Variants in BBS9 observed in about 807,000 individuals in gnomAD.
The protein encoded by BBS9 is protein PTHB1.
In BBS9, 89 loss-of-function variants were observed where a neutral mutation model predicts 117.7. The observed-to-expected ratio is 0.76, with a 90% confidence interval of 0.64 to 0.90. The LOEUF is 0.90. Ranked by LOEUF, BBS9 falls within the 40% of genes least tolerant of loss-of-function variation. BBS9 has a pLI of 0.00. For synonymous variants in BBS9, 379 were observed against 370.9 expected (o/e 1.02, Z -0.25); for missense variants, 982 against 1,042.2 (o/e 0.94, Z 0.80).
intron 11 of BBS9, among the ~76,000 whole-genome samples, chr7:33,341,746 A>G (rs1816612389): frequency 6.6e-6 from 1 of 152,124 alleles, no homozygotes; most frequent in Non-Finnish European, 1.5e-5. Flanking sequence ...TGCTCAATAT[A>G]TATTTGCTCT....
chr7:33,441,709 A>T (rs1203696646), intron 19 of BBS9, among the ~76,000 whole-genome samples: 2 of 152,128 alleles, frequency 1.3e-5, no homozygotes, highest in African/African-American at 4.8e-5. Context: ...GTATGCTTTC[A>T]TGACTTTTGT....
chr7:33,449,153 C>T (rs1394382790), intron 19 of BBS9, among the ~76,000 whole-genome samples: 2 of 152,164 alleles, frequency 1.3e-5, no homozygotes, highest in Admixed American at 1.3e-4. Context: ...TGCTGGGCAT[C>T]AATCGTGGTA....
At chr7:33,154,392 A>G (rs58550767) in intron 3 of BBS9, among the ~76,000 whole-genome samples, 15,121 of 152,226 alleles carry the variant, frequency 0.099, 836 homozygotes, top group African/African-American at 0.13. Flanking sequence ...TAGTCCTTGC[A>G]GTTTAGAACA....
At chr7:33,615,977 A>G (rs991369774) in intron 21 of BBS9, among the ~76,000 whole-genome samples, 5 of 152,058 alleles carry the variant, frequency 3.3e-5, no homozygotes, top group Admixed American at 6.6e-5. Context: ...AAAGGGAAAT[A>G]AAGACTTTCT....
At chr7:33,217,708 A>G (rs956570442) in intron 5 of BBS9, among the ~76,000 whole-genome samples, 6 of 152,278 alleles carry the variant, frequency 3.9e-5, no homozygotes, top group Non-Finnish European at 7.3e-5. Flanking sequence ...TAGCCGAAGG[A>G]CATTCCTCTT....
intron 21 of BBS9, among the ~76,000 whole-genome samples, chr7:33,581,474 G>T (rs1859900948): frequency 6.6e-6 from 1 of 151,982 alleles, no homozygotes; most frequent in Non-Finnish European, 1.5e-5. Flanking sequence ...TTGACAAATA[G>T]ACATCAAATA....
chr7:33,457,738 A>G (rs573067915), intron 19 of BBS9, among the ~76,000 whole-genome samples: 1 of 152,316 alleles, frequency 6.6e-6, no homozygotes, highest in East Asian at 1.9e-4. Flanking sequence ...TCTGTAAAAA[A>G]GAAACTTTCA....
At chr7:33,173,935 C>T (rs918949549) in intron 4 of BBS9, among the ~76,000 whole-genome samples, 10 of 152,180 alleles carry the variant, frequency 6.6e-5, no homozygotes, top group African/African-American at 9.6e-5. Flanking sequence ...GTGGGTAGAA[C>T]ACAGAAATTT....
intron 4 of BBS9, among the ~76,000 whole-genome samples, chr7:33,158,432 A>AT (rs1265501077): frequency 1.3e-5 from 2 of 152,210 alleles, no homozygotes; most frequent in Non-Finnish European, 2.9e-5. Context: ...AATAATTTTA[A>AT]TATTATGTCA....
chr7:33,591,373 A>G (rs1039943004), intron 21 of BBS9, among the ~76,000 whole-genome samples: 8 of 152,116 alleles, frequency 5.3e-5, no homozygotes, highest in Admixed American at 2.0e-4. Context: ...ATATTTTACT[A>G]TTTTTTAAAA....
chr7:33,360,894 G>T (rs1820501279), intron 16 of BBS9, among the ~76,000 whole-genome samples: 1 of 152,118 alleles, frequency 6.6e-6, no homozygotes, highest in African/African-American at 2.4e-5. Flanking sequence ...AGTAGTTTAT[G>T]ACTGTTATGA....
chr7:33,156,403 GTGTC>G (rs1794098084), intron 4 of BBS9, among the ~76,000 whole-genome samples: 1 of 152,146 alleles, frequency 6.6e-6, no homozygotes, highest in Non-Finnish European at 1.5e-5. Context: ...AGAAAACTAA[GTGTC>G]TGTGAGGCTG....
chr7:33,588,107 T>C (rs1861251617), intron 21 of BBS9, among the ~76,000 whole-genome samples: 1 of 152,158 alleles, frequency 6.6e-6, no homozygotes. Flanking sequence ...TTAACTTTGA[T>C]TCCTACAGAA....
At chr7:33,364,342 C>G (rs910603056) in intron 16 of BBS9, among the ~76,000 whole-genome samples, 1 of 151,966 alleles carries the variant, frequency 6.6e-6, no homozygotes, top group African/African-American at 2.4e-5. Context: ...TAGTTTTTTT[C>G]TACAGTTATG....
At chr7:33,513,202 A>AT (rs1847228355) in intron 20 of BBS9, among the ~76,000 whole-genome samples, 1 of 152,108 alleles carries the variant, frequency 6.6e-6, no homozygotes, top group Admixed American at 6.6e-5. Flanking sequence ...GCGAAGAAGG[A>AT]TTTTTTCTTC....
At chr7:33,601,009 T>A (rs1356351401) in intron 21 of BBS9, among the ~76,000 whole-genome samples, 1 of 152,070 alleles carries the variant, frequency 6.6e-6, no homozygotes, top group Non-Finnish European at 1.5e-5. Flanking sequence ...AGGCACAAAA[T>A]GATCTGGGGT....
intron 14 of BBS9, chr7:33,351,586 G>T (rs1818660664): frequency 2.2e-6 from 1 of 456,846 alleles, no homozygotes; most frequent in African/African-American, 2.0e-5. Context: ...CCTAATAGAA[G>T]AATGTTATCT....
chr7:33,255,157 G>A (rs1562884416), intron 5 of BBS9, among the ~76,000 whole-genome samples: 1 of 151,870 alleles, frequency 6.6e-6, no homozygotes, highest in Non-Finnish European at 1.5e-5. Flanking sequence ...GTTTGATGTA[G>A]TCCTCCCCTC....
rs1584030828 is a variant in BBS9, at chr7:33,129,716, C to CT, written c.-336dup. On this transcript the variant is annotated 5_prime_UTR_variant, in exon 1 of 23. Transcript: ENST00000242067. Reference sequence around the variant, plus strand: ...AGGACTTGCATTTGTTCTCGCCTGCCTAGTGTCTTCCAAGGGATAGATGCC... The same window carrying CT: ...AGGACTTGCATTTGTTCTCGCCTGCCTTAGTGTCTTCCAAGGGATAGATGCC... The CT allele has an allele frequency of 1.3e-5, 2 of 152,486 alleles. No individual in the cohort carries two copies. The highest frequency in any genetic ancestry group is 4.8e-5 in the African/African-American group (2 of 41,392). The allele number at this position is 152,486 out of a possible 1,614,324, so 9.4% of individuals were successfully genotyped here.
Sources: allele counts gnomAD v4.1 joint callset (sites outside exome capture counted in the v4.1 genomes callset), GRCh38; gene constraint gnomAD v4.1.1; transcripts MANE v1.5; gene names NCBI Gene and HGNC (gene_info 2026-07-23, HGNC 2026-07-21).